Variants in HSP90AB1 observed in about 807,000 individuals in gnomAD.
HSP90AB1 encodes heat shock protein 90 alpha family class B member 1.
A neutral mutation model predicts 67.8 loss-of-function variants in HSP90AB1; 17 were observed. That is an observed-to-expected ratio of 0.25 (90% CI 0.17 to 0.38). HSP90AB1 has a LOEUF of 0.38. HSP90AB1 is among the 10% of genes least tolerant of loss of function. HSP90AB1 has a pLI of 1.00. For missense variants in HSP90AB1, 690 were observed against 899.9 expected (o/e 0.77, Z 2.98); for synonymous variants, 390 against 312.9 (o/e 1.25, Z -2.60).
chr6:44,249,541 C>T lies in HSP90AB1; in HGVS notation c.312C>T (p.Thr104=). Residue 104 remains threonine (T), a synonymous_variant, in exon 3 of 12, where the codon ACC becomes ACT. Transcript: ENST00000371646. ...TKADLINNLG[T]IAKSGTKAFM... ...CTGATCTCATAAATAATTTGGGAAC[C>T]ATTGCCAAGTCTGGTACTAAAGCAT... The T allele has an allele frequency of 2.5e-6, 4 of 1,614,142 alleles. No homozygotes were observed. The highest frequency in any genetic ancestry group is 4.5e-5 in the East Asian group (2 of 44,884).
chr6:44,253,380 TA>T lies in HSP90AB1; in HGVS notation c.2065+4del. On this transcript the variant is annotated splice_donor_region_variant and intron_variant, in intron 11 of 11. Transcript: ENST00000371646. ...ATCGCATGATCAAGCTAGGTCTAGGTAAGTAGCTTTGGTACTTGGTGTGGCA... is the reference window on the plus strand; with the variant it reads ...ATCGCATGATCAAGCTAGGTCTAGGTAGTAGCTTTGGTACTTGGTGTGGCA... 1 of 1,612,498 alleles carries T rather than the reference TA, an allele frequency of 6.2e-7. No homozygotes were observed. The highest frequency in any genetic ancestry group is 8.5e-7 in the Non-Finnish European group (1 of 1,178,696).
intron 10 of HSP90AB1, 54 bp from the exon 11 acceptor site, chr6:44,252,991 G>A (rs763324813): frequency 1.2e-5 from 18 of 1,469,478 alleles, no homozygotes; most frequent in Admixed American, 1.7e-5. Flanking sequence ...GACAATGCCT[G>A]TTTTCTCTTT....
chr6:44,252,949 G>C (rs770105672), intron 10 of HSP90AB1, 96 bp from the exon 11 acceptor site: 211 of 1,016,706 alleles, frequency 2.1e-4, no homozygotes, highest in Non-Finnish European at 3.0e-4. Context: ...CAAGTGGTCT[G>C]TCCACCTCCT....
intron 1 of HSP90AB1, chr6:44,248,001 C>G (rs1234180065): frequency 6.6e-6 from 1 of 152,264 alleles, no homozygotes; most frequent in Non-Finnish European, 1.5e-5. Flanking sequence ...TGGTCCTGTT[C>G]TGTAATTTTG....
Position 44,252,100 on chromosome 6 carries a change from G to T in HSP90AB1, c.1564G>T (p.Val522Leu), listed in dbSNP as rs1561901043. The change falls in exon 10 of 12, where the codon GTG (valine) becomes TTG (leucine). Residue 522 changes from valine (V) to leucine (L), a missense_variant. Transcript: ENST00000371646. Reference sequence around the variant, plus strand: ...GACCGAGCCCATTGACGAGTACTGTGTGCAGCAGCTCAAGGAATTTGATGG... The same window carrying T: ...GACCGAGCCCATTGACGAGTACTGTTTGCAGCAGCTCAAGGAATTTGATGG... ...YMTEPIDEYC[V>L]QQLKEFDGKS... 6.2e-6 allele frequency: 10 copies of T among 1,614,182 alleles called. No homozygotes were observed. Among genetic ancestry groups the T allele is most frequent in the Non-Finnish European group, 7.6e-6 (9 of 1,180,034 alleles).
rs774994218 is a variant in HSP90AB1, at chr6:44,250,554, C to T, written c.912C>T (p.Phe304=). The T allele has an allele frequency of 2.5e-6, 4 of 1,613,464 alleles. No individual in the cohort carries two copies. The highest frequency in any genetic ancestry group is 1.3e-5 in the African/African-American group (1 of 74,960). ...TCACCCAAGAGGAGTATGGAGAATTCTACAAGAGCCTCACTAATGACTGGG... is the reference window on the plus strand; with the variant it reads ...TCACCCAAGAGGAGTATGGAGAATTTTACAAGAGCCTCACTAATGACTGGG... ...DDITQEEYGE[F]YKSLTNDWED... The change falls in exon 6 of 12, where the codon TTC becomes TTT. Residue 304 remains phenylalanine (F), a synonymous_variant. Transcript: ENST00000371646.
In HSP90AB1 at chr6:44,248,955, T is replaced by TAA. The variant is rs532394641; in HGVS notation, c.147+180_147+181dup. Among the ~76,000 whole-genome samples, 185 of 152,302 alleles carry TAA rather than the reference T, an allele frequency of 1.2e-3. 3 individuals are homozygous for TAA. In the South Asian group the frequency reaches 0.027, roughly 22 times the overall value. On this transcript the variant is annotated intron_variant, in intron 2 of 11. Coordinates refer to ENST00000371646, the MANE Select transcript of HSP90AB1 (RefSeq NM_007355.4). ...AACTTGGAAGGGACTATGTCCAGAA[T>TAA]AAGTGGGCTCATGGAACTAACTGGT...
rs1780413832 is a variant in HSP90AB1 at position 44,249,816 on chromosome 6, A to G, written c.496A>G (p.Thr166Ala). 1 of 1,611,472 alleles carries G rather than the reference A, an allele frequency of 6.2e-7. No homozygotes were observed. Among genetic ancestry groups the G allele is most frequent in the Admixed American group, 1.7e-5 (1 of 59,638 alleles). ...GGAGTCTTCTGCTGGAGGTTCCTTC[A>G]CTGTGCGTGCTGACCATGGTAAGTT... ...AWESSAGGSF[T>A]VRADHGEPIG... Residue 166 changes from threonine (T) to alanine (A), a missense_variant, in exon 4 of 12, where the codon ACT becomes GCT. Thr to Ala is a moderately conservative substitution (Grantham distance 58). Transcript: ENST00000371646.
At chr6:44,247,312 C>A (rs1003284285) in intron 1 of HSP90AB1, 117 bp downstream of exon 1, 5 of 152,026 alleles carry the variant, frequency 3.3e-5, no homozygotes, top group African/African-American at 9.7e-5. Flanking sequence ...TTGTGGATAA[C>A]GCTCTGGATT....
intron 4 of HSP90AB1, 22 bp from the exon 5 acceptor site, chr6:44,249,999 C>T (rs752379470): frequency 1.6e-5 from 26 of 1,613,474 alleles, no homozygotes; most frequent in Non-Finnish European, 1.9e-5. Context: ...CCCTGTTACA[C>T]GCTTGTAATT....
chr6:44,251,373 G>T (rs367718025), intron 7 of HSP90AB1, 45 bp from the exon 8 acceptor site: 398 of 1,577,160 alleles, frequency 2.5e-4, no homozygotes, highest in Non-Finnish European at 3.3e-4. Flanking sequence ...ACCAGGTCTG[G>T]TCTAGCTGTT....
Position 44,250,572 on chromosome 6 carries a change from T to C in HSP90AB1, c.930T>C (p.Asn310=). 1 of 1,611,444 alleles carries C rather than the reference T, an allele frequency of 6.2e-7. No homozygotes were observed. The change falls in exon 6 of 12, where the codon AAT becomes AAC. Residue 310 remains asparagine, a synonymous_variant. Coordinates refer to ENST00000371646, the MANE Select transcript of HSP90AB1 (RefSeq NM_007355.4). ...EYGEFYKSLT[N]DWEDHLAVKH... is the part of the protein sequence containing the mutation. The stretch of plus-strand genomic sequence containing the variant: ...GAGAATTCTACAAGAGCCTCACTAA[T>C]GACTGGGAAGACCACTTGGCAGTCA...
At position 44,253,651 on chromosome 6, in the gene HSP90AB1, C is replaced by T. The variant is rs777476065; in HGVS notation, c.*53C>T. On this transcript the variant is annotated 3_prime_UTR_variant, in exon 12 of 12. Transcript: ENST00000371646. ...TGCCCTTGTATAGTGTCCCCATGGG[C>T]TCCCACTGCAGCCTCGAGTGCCCCT... is the stretch of plus-strand genomic sequence containing the variant. The T allele has an allele frequency of 2.9e-6, 4 of 1,356,684 alleles. No individual in the cohort carries two copies. Among genetic ancestry groups the T allele is most frequent in the African/African-American group, 1.4e-5 (1 of 69,766 alleles). 84.0% of individuals were successfully genotyped at this position (1,356,684 alleles called of 1,614,324 possible).
chr6:44,253,436 G>A, intron 11 of HSP90AB1, 53 bp from the exon 12 acceptor site: 1 of 1,604,610 alleles, frequency 6.2e-7, no homozygotes, highest in Admixed American at 1.7e-5. Flanking sequence ...CTCCTCTATG[G>A]ATTTGACTTA....
intron 10 of HSP90AB1, among the ~76,000 whole-genome samples, chr6:44,252,776 C>T (rs1411788536): frequency 1.3e-5 from 2 of 151,594 alleles, no homozygotes; most frequent in African/African-American, 2.4e-5. Context: ...GATTAACAGG[C>T]GCAAGCCACC....
At position 44,251,405 on chromosome 6, in the gene HSP90AB1, T is replaced by C; in HGVS notation, c.1124-13T>C. The C allele has an allele frequency of 6.3e-7, 1 of 1,597,820 alleles. No homozygotes were observed. On this transcript the variant is annotated splice_polypyrimidine_tract_variant and intron_variant, in intron 7 of 11. Coordinates refer to ENST00000371646, the MANE Select transcript of HSP90AB1 (RefSeq NM_007355.4). ...TGTTTTTTACTGAGCTTTCTCACCCTGGTTGATGGCAGATTTTATCCGTGG... is the reference window on the plus strand; with the variant it reads ...TGTTTTTTACTGAGCTTTCTCACCCCGGTTGATGGCAGATTTTATCCGTGG...
Position 44,251,065 on chromosome 6 carries a change from T to C in HSP90AB1, c.975T>C (p.Gly325=). Residue 325 remains glycine (G), a synonymous_variant, in exon 7 of 12, where the codon GGT becomes GGC. Transcript: ENST00000371646. ...TCTTTCAGCACTTTTCTGTAGAAGGTCAGTTGGAATTCAGGGCATTGCTAT... is the reference window on the plus strand; with the variant it reads ...TCTTTCAGCACTTTTCTGTAGAAGGCCAGTTGGAATTCAGGGCATTGCTAT... ...HLAVKHFSVE[G]QLEFRALLFI... 1.2e-6 allele frequency: 2 copies of C among 1,614,032 alleles called. No individual in the cohort carries two copies. Among genetic ancestry groups the C allele is most frequent in the South Asian group, 2.2e-5 (2 of 91,086 alleles).
intron 2 of HSP90AB1, 56 bp downstream of exon 2, chr6:44,248,832 GA>G (rs1163861244): frequency 6.6e-7 from 1 of 1,512,168 alleles, no homozygotes; most frequent in Non-Finnish European, 9.0e-7. Flanking sequence ...ACTCTAGAAG[GA>G]GGGGAAAGGA....
At chr6:44,253,457 G>A (rs1223548050) in intron 11 of HSP90AB1, 32 bp from the exon 12 acceptor site, 2 of 1,607,776 alleles carry the variant, frequency 1.2e-6, no homozygotes, top group Admixed American at 1.7e-5. Context: ...ATGCTATTTG[G>A]TCAAGTCTCA....
Sources: allele counts gnomAD v4.1 joint callset (sites outside exome capture counted in the v4.1 genomes callset), GRCh38; gene constraint gnomAD v4.1.1; transcripts MANE v1.5; gene names NCBI Gene and HGNC (gene_info 2026-07-23, HGNC 2026-07-21).